Variants in CUL2 observed in about 807,000 individuals in gnomAD.
CUL2 encodes cullin-2.
A neutral mutation model predicts 110.2 loss-of-function variants in CUL2; 22 were observed. The ratio of observed to expected loss-of-function variants is 0.20; its 90% confidence interval spans 0.14 to 0.28. The LOEUF (loss-of-function observed/expected upper bound fraction) is 0.28, where lower values mean the gene tolerates loss of function less well. Among genes scored for constraint, CUL2 ranks in the 10% least tolerant of loss-of-function variants. CUL2 has a pLI of 1.00. For missense variants in CUL2, 631 were observed against 905.5 expected, an observed-to-expected ratio of 0.70 and a Z score of 3.89; for synonymous variants, 279 against 293.2, an observed-to-expected ratio of 0.95 and a Z score of 0.49.
intron 1 of CUL2, among the ~76,000 whole-genome samples, chr10:35,075,458 C>G (rs2086792201): frequency 6.6e-6 from 1 of 152,180 alleles, no homozygotes; most frequent in Non-Finnish European, 1.5e-5. Context: ...TTCTTCATTC[C>G]TGTGCCTTAA....
intron 20 of CUL2, among the ~76,000 whole-genome samples, chr10:35,011,284 C>T: frequency 6.7e-6 from 1 of 149,318 alleles, no homozygotes; most frequent in East Asian, 2.0e-4. Flanking sequence ...AACTCCTGGA[C>T]TCAAGTGATC....
intron 1 of CUL2, among the ~76,000 whole-genome samples, chr10:35,086,553 C>T (rs898453774): frequency 1.3e-5 from 2 of 152,108 alleles, no homozygotes; most frequent in African/African-American, 4.8e-5. Context: ...TCCCAAAGTG[C>T]TGGGATTACA....
chr10:35,092,377 C>T (rs1370669606), upstream of CUL2, among the ~76,000 whole-genome samples: 1 of 152,236 alleles, frequency 6.6e-6, no homozygotes, highest in Non-Finnish European at 1.5e-5. Flanking sequence ...CATTGGATCG[C>T]TGTATTCTTC....
chr10:35,112,416 G>A (rs4934726), intron 1 of CUL2, among the ~76,000 whole-genome samples: 21,672 of 152,220 alleles, frequency 0.14, 1,867 homozygotes, highest in East Asian at 0.24. Context: ...CTGTCTGGAG[G>A]GAGTTTTCAG....
At chr10:35,056,574 G>A (rs1049198632) in intron 4 of CUL2, among the ~76,000 whole-genome samples, 1 of 152,102 alleles carries the variant, frequency 6.6e-6, no homozygotes, top group Non-Finnish European at 1.5e-5. Flanking sequence ...AACATCGGCT[G>A]AGGGTATATC....
intron 2 of CUL2, among the ~76,000 whole-genome samples, chr10:35,070,647 C>A (rs2086653531): frequency 6.6e-6 from 1 of 152,132 alleles, no homozygotes; most frequent in South Asian, 2.1e-4. Flanking sequence ...GAAAAACACA[C>A]TTCCACCCCA....
At chr10:35,106,508 CT>C (rs1198229717) in intron 1 of CUL2, among the ~76,000 whole-genome samples, 1 of 146,442 alleles carries the variant, frequency 6.8e-6, no homozygotes, top group South Asian at 2.2e-4. Context: ...CTTTTTTTTT[CT>C]TTTTTTTAGA....
intron 1 of CUL2, among the ~76,000 whole-genome samples, chr10:35,110,293 G>GTGGC (rs1433483858): frequency 2.6e-5 from 4 of 152,226 alleles, no homozygotes; most frequent in Non-Finnish European, 5.9e-5. Flanking sequence ...TCCAGGCACA[G>GTGGC]TGGCTCATGC....
chr10:35,012,286 A>G (rs1424187518), intron 19 of CUL2, among the ~76,000 whole-genome samples: 1 of 152,186 alleles, frequency 6.6e-6, no homozygotes, highest in Non-Finnish European at 1.5e-5. Flanking sequence ...TCTAGGGTTA[A>G]AGTTGAAAGA....
In CUL2 at chr10:35,103,319, T is replaced by TA. The variant is rs1216820590; in HGVS notation, c.-50-2260_-50-2259insT. Among the ~76,000 whole-genome samples the TA allele has an allele frequency of 1.5e-3, 168 of 114,234 alleles. 3 individuals are homozygous for TA. Among genetic ancestry groups the TA allele is most frequent in the Non-Finnish European group, 1.1e-3 (63 of 55,426 alleles). The allele number at this position is 114,234 out of a possible 152,430, so 74.9% of individuals were successfully genotyped here. A position where few individuals can be genotyped will look rare whatever the true frequency, so the allele number is the denominator to read the frequency against. On this transcript the variant is annotated intron_variant, in intron 1 of 5. Coordinates refer to the CUL2 transcript ENST00000685421. ...ACCAGGCCAAGCTAATTTTTTTTTT[T>TA]TTTTTTTTTTTTTATTTTTTTTTGA... is the stretch of plus-strand genomic sequence containing the variant.
intron 14 of CUL2, among the ~76,000 whole-genome samples, chr10:35,030,813 A>C (rs1223283113): frequency 7.8e-6 from 1 of 128,188 alleles, no homozygotes; most frequent in Non-Finnish European, 1.9e-5. Context: ...GGATCGCTTG[A>C]GCCCAGGAGT....
intron 1 of CUL2, among the ~76,000 whole-genome samples, chr10:35,102,634 C>T (rs1171363669): frequency 6.6e-6 from 1 of 150,732 alleles, no homozygotes; most frequent in Admixed American, 6.6e-5. Context: ...CCTGTAATCC[C>T]AGCACTTTGA....
intron 8 of CUL2, among the ~76,000 whole-genome samples, chr10:35,043,820 G>A (rs969107849): frequency 1.2e-4 from 19 of 152,070 alleles, no homozygotes; most frequent in Admixed American, 8.5e-4. Flanking sequence ...AAATCCCAGC[G>A]CTTTGGGAGG....
chr10:35,029,409 C>T, intron 15 of CUL2, 79 bp downstream of exon 15: 1 of 1,025,132 alleles, frequency 9.8e-7, no homozygotes, highest in Non-Finnish European at 1.4e-6. Flanking sequence ...CAAACGTAAT[C>T]AGGCATCCAT....
chr10:35,100,431 T>A (rs745319292), intron 2 of CUL2, among the ~76,000 whole-genome samples: 34 of 152,162 alleles, frequency 2.2e-4, no homozygotes, highest in Non-Finnish European at 4.3e-4. Context: ...CACTGTTTTA[T>A]ACTTTATTTT....
intron 19 of CUL2, 38 bp from the exon 20 acceptor site, chr10:35,012,002 C>T (rs756121965): frequency 6.8e-6 from 8 of 1,171,294 alleles, no homozygotes; most frequent in Middle Eastern, 1.9e-4. Context: ...CCCAACAAGA[C>T]ATTAAGTCAC....
In CUL2 at chr10:35,028,799, T is replaced by G. The variant is rs765631766; in HGVS notation, c.1617+11A>C. 3.8e-6 allele frequency: 6 copies of G among 1,575,848 alleles called. No individual in the cohort carries two copies. Among genetic ancestry groups the G allele is most frequent in the Non-Finnish European group, 5.2e-6 (6 of 1,150,404 alleles). ...TCCTTTAGTCTTCTAATATATTTCC[T>G]GCAAACTTACCATCTGTACACTTTT... On this transcript the variant is annotated intron_variant, in intron 16 of 20. Transcript: ENST00000374749.
At chr10:35,023,190 A>G (rs570701629) in intron 17 of CUL2, among the ~76,000 whole-genome samples, 3 of 152,354 alleles carry the variant, frequency 2.0e-5, no homozygotes, top group African/African-American at 7.2e-5. Context: ...ATAACAAAGC[A>G]TCACACTGTA....
intron 2 of CUL2, among the ~76,000 whole-genome samples, chr10:35,064,366 G>A (rs1462759650): frequency 6.6e-6 from 1 of 152,036 alleles, no homozygotes; most frequent in Admixed American, 6.6e-5. Flanking sequence ...TAAAAATAAG[G>A]ATGCAAATTC....
Sources: gnomAD v4.1 joint callset for allele counts (sites outside exome capture counted in the v4.1 genomes callset) on GRCh38, gnomAD v4.1.1 for gene constraint, MANE v1.5 for transcripts, NCBI Gene and HGNC (gene_info 2026-07-23, HGNC 2026-07-21) for gene names.